Variants in RAD18 observed in about 807,000 individuals in gnomAD.
RAD18 encodes the protein E3 ubiquitin-protein ligase RAD18.
RAD18 carries 47 observed loss-of-function variants against 60.4 expected under a neutral mutation model. The ratio of observed to expected loss-of-function variants is 0.78; its 90% CI spans 0.62 to 0.99. The LOEUF (loss-of-function observed/expected upper bound fraction) is 0.99, where lower values mean the gene tolerates loss of function less well. Ranked by LOEUF, RAD18 falls within the 50% of genes least tolerant of loss-of-function variation. The pLI is 0.00. For missense variants in RAD18, 640 were observed against 593.3 expected (o/e 1.08, Z -0.82); for synonymous variants, 225 against 195.5 (o/e 1.15, Z -1.26).
intron 5 of RAD18, 23 bp from the exon 6 acceptor site, chr3:8,939,676 G>A (rs771444516): frequency 5.0e-6 from 8 of 1,584,498 alleles, no homozygotes; most frequent in Admixed American, 1.7e-5. Flanking sequence ...AAAAGAAAAA[G>A]AGAGACTTTA....
chr3:8,905,599 G>A (rs1049302597), intron 9 of RAD18, among the ~76,000 whole-genome samples: 1 of 152,116 alleles, frequency 6.6e-6, no homozygotes, highest in Non-Finnish European at 1.5e-5. Context: ...TAGCCAACCA[G>A]CTAAATGTGG....
chr3:8,890,408 C>G lies in RAD18; in HGVS notation c.1366G>C (p.Ala456Pro). Residue 456 changes from alanine (A) to proline (P), a missense_variant, in exon 12 of 13, where the codon GCC becomes CCC. Transcript: ENST00000264926. ...ACTCACTTATGTGATGCTTCCCAGGCTTCCTCTTCTTCTAAAAGATCTCTT... is the reference window on the plus strand; with the variant it reads ...ACTCACTTATGTGATGCTTCCCAGGGTTCCTCTTCTTCTAAAAGATCTCTT... The part of the protein sequence containing the change: ...IIRDLLEEEE[A>P]WEASHKNDLQ... The G allele has an allele frequency of 6.3e-7, 1 of 1,594,468 alleles. No homozygotes were observed. Among genetic ancestry groups the G allele is most frequent in the Middle Eastern group, 1.7e-4 (1 of 6,020 alleles).
chr3:8,954,797 A>C (rs1940981120), intron 2 of RAD18, among the ~76,000 whole-genome samples: 1 of 152,214 alleles, frequency 6.6e-6, no homozygotes, highest in Non-Finnish European at 1.5e-5. Context: ...ATGATACCAG[A>C]ACATGACAGA....
In RAD18 at chr3:8,912,109, T is replaced by C. The variant is rs143962506; in HGVS notation, c.1027+203A>G. On this transcript the variant is annotated intron_variant, in intron 9 of 12. Coordinates refer to ENST00000264926, the MANE Select transcript of RAD18 (RefSeq NM_020165.4). ...GCTTAGTGATAAGCTCAAAGTAGAA[T>C]GCTAGTCATAAAAATCAAAAAGCAG... Among the ~76,000 whole-genome samples the C allele has an allele frequency of 1.9e-3, 291 of 152,232 alleles. 2 individuals carry two copies. Among genetic ancestry groups the C allele is most frequent in the African/African-American group, 6.4e-3 (265 of 41,544 alleles).
Position 8,881,272 on chromosome 3 carries a change from G to T in RAD18, c.*85C>A, listed in dbSNP as rs1939457234. 9.5e-7 allele frequency: 1 copy of T among 1,053,196 alleles called. No homozygotes were observed. Among genetic ancestry groups the T allele is most frequent in the East Asian group, 2.5e-5 (1 of 40,140 alleles). 65.2% of individuals were successfully genotyped at this position (1,053,196 alleles called of 1,614,324 possible). On this transcript the variant is annotated 3_prime_UTR_variant, in exon 13 of 13. Coordinates refer to ENST00000264926, the MANE Select transcript of RAD18 (RefSeq NM_020165.4). ...TTTAGAATTTAGCATCTTTCCTTGG[G>T]CATTTATAAATAGAAAATCTATCTG...
At chr3:8,929,942 C>T (rs1292966032) in intron 7 of RAD18, among the ~76,000 whole-genome samples, 1 of 152,176 alleles carries the variant, frequency 6.6e-6, no homozygotes, top group Non-Finnish European at 1.5e-5. Flanking sequence ...CCACTGCGCC[C>T]GGCACAGCTG....
chr3:8,936,118 G>A, intron 6 of RAD18, 63 bp from the exon 7 acceptor site: 1 of 1,359,656 alleles, frequency 7.4e-7, no homozygotes, highest in Non-Finnish European at 9.8e-7. Context: ...CATGTAAAAT[G>A]GCAAATAAAT....
chr3:8,909,345 T>C lies in RAD18; in HGVS notation c.1027+2967A>G, dbSNP rs147521725. Among the ~76,000 whole-genome samples the C allele has an allele frequency of 6.2e-3, 947 of 152,310 alleles. 10 individuals carry two copies. Among genetic ancestry groups the C allele is most frequent in the African/African-American group, 0.021 (890 of 41,562 alleles). ...GGGCAGCAAGGCAGAAATGGCATGA[T>C]GTGAAGACTCAGCAGTTTTGGAAGA... is the stretch of plus-strand genomic sequence containing the variant. On this transcript the variant is annotated intron_variant, in intron 9 of 12. Coordinates refer to ENST00000264926, the MANE Select transcript of RAD18 (RefSeq NM_020165.4).
chr3:8,911,526 C>G (rs1023166748), intron 9 of RAD18, among the ~76,000 whole-genome samples: 5 of 152,118 alleles, frequency 3.3e-5, no homozygotes, highest in Non-Finnish European at 7.4e-5. Flanking sequence ...TTGTTCAGTC[C>G]ATAATCCAAG....
chr3:8,942,457 T>C (rs1940767115), intron 4 of RAD18, among the ~76,000 whole-genome samples: 1 of 152,192 alleles, frequency 6.6e-6, no homozygotes, highest in South Asian at 2.1e-4. Context: ...CTTTGTAAAT[T>C]ACCCAGCCTC....
chr3:8,963,456 C>T lies in RAD18; in HGVS notation c.-71G>A. On this transcript the variant is annotated 5_prime_UTR_variant, in exon 1 of 13. Coordinates refer to ENST00000264926, the MANE Select transcript of RAD18 (RefSeq NM_020165.4). The stretch of plus-strand genomic sequence containing the variant: ...GCGCTCCAACACCACTCGAAATTCC[C>T]CGCGCTACCGCATTACGTCAGCAGC... 7.1e-7 allele frequency: 1 copy of T among 1,402,144 alleles called. No homozygotes were observed. The highest frequency in any genetic ancestry group is 9.8e-7 in the Non-Finnish European group (1 of 1,023,498). 86.9% of individuals were successfully genotyped at this position (1,402,144 alleles called of 1,614,324 possible). A position where few individuals can be genotyped will look rare whatever the true frequency, so the allele number is the denominator to read the frequency against.
At chr3:8,916,913 G>A (rs1940210873) in intron 7 of RAD18, among the ~76,000 whole-genome samples, 1 of 151,998 alleles carries the variant, frequency 6.6e-6, no homozygotes. Context: ...AAAGGGAGGA[G>A]AAGAAATCGT....
chr3:8,882,576 G>A (rs903593357), intron 12 of RAD18, among the ~76,000 whole-genome samples: 1 of 152,166 alleles, frequency 6.6e-6, no homozygotes, highest in African/African-American at 2.4e-5. Context: ...CATCAGCCTA[G>A]CAACAAGCAA....
intron 2 of RAD18, among the ~76,000 whole-genome samples, chr3:8,953,475 A>T (rs1940959273): frequency 6.6e-6 from 1 of 152,170 alleles, no homozygotes; most frequent in Non-Finnish European, 1.5e-5. Context: ...CCAAATATGT[A>T]CTGGTAAGCT....
Position 8,947,297 on chromosome 3 carries a change from AAAAC to A in RAD18, c.196-11_196-8del. 6.3e-7 allele frequency: 1 copy of A among 1,595,796 alleles called. No homozygotes were observed. Among genetic ancestry groups the A allele is most frequent in the Admixed American group, 1.7e-5 (1 of 59,342 alleles). ...GATCCGGCTCTGTGACAGTCTAGAA[AAAAC>A]AAACAACAGATGGAAAAAGGTCAAA... On this transcript the variant is annotated splice_polypyrimidine_tract_variant and splice_region_variant and intron_variant, in intron 3 of 12. Transcript: ENST00000264926.
intron 9 of RAD18, among the ~76,000 whole-genome samples, chr3:8,905,634 T>C (rs142027171): frequency 1.1e-4 from 16 of 152,350 alleles, no homozygotes; most frequent in South Asian, 4.1e-4. Flanking sequence ...TTAACAGTTA[T>C]GGCTAATGTT....
At chr3:8,949,821 G>A (rs1321857631) in intron 2 of RAD18, among the ~76,000 whole-genome samples, 4 of 152,156 alleles carry the variant, frequency 2.6e-5, no homozygotes, top group Admixed American at 6.5e-5. Context: ...GCGGCTCAGT[G>A]TGGGCAAGTC....
intron 9 of RAD18, 32 bp from the exon 10 acceptor site, chr3:8,902,552 A>G: frequency 6.4e-7 from 1 of 1,568,330 alleles, no homozygotes; most frequent in African/African-American, 1.4e-5. Context: ...CAGTAAAGCT[A>G]GGACTATGAA....
chr3:8,948,822 G>C (rs1940880014), intron 2 of RAD18, among the ~76,000 whole-genome samples: 1 of 152,128 alleles, frequency 6.6e-6, no homozygotes, highest in Non-Finnish European at 1.5e-5. Flanking sequence ...ATCACTCTGT[G>C]TCCTCCATCT....
Sources: allele counts gnomAD v4.1 joint callset (sites outside exome capture counted in the v4.1 genomes callset), GRCh38; gene constraint gnomAD v4.1.1; transcripts MANE v1.5; gene names NCBI Gene and HGNC (gene_info 2026-07-23, HGNC 2026-07-21).